The following FNIP1 variants were observed in gnomAD, a reference collection of about 807,000 sequenced individuals.
FNIP1 encodes folliculin-interacting protein 1.
FNIP1 carries 40 observed loss-of-function variants against 124.5 expected under a neutral mutation model. That is an observed-to-expected ratio of 0.32 (90% CI 0.25 to 0.42). The LOEUF is 0.42. Ranked by LOEUF, FNIP1 falls within the 10% of genes least tolerant of loss-of-function variation. The pLI, the probability that FNIP1 is intolerant of heterozygous loss-of-function variation, is 1.00. For missense variants in FNIP1, 1,176 were observed against 1,403.7 expected (o/e 0.84, Z 2.59); for synonymous variants, 472 against 470.6 (o/e 1.00, Z -0.04).
intron 16 of FNIP1, among the ~76,000 whole-genome samples, chr5:131,651,540 G>T (rs1049401861): frequency 5.3e-5 from 8 of 152,138 alleles, no homozygotes; most frequent in Non-Finnish European, 1.2e-4. Context: ...TCACATGGTG[G>T]AGACAGAACA....
chr5:131,772,992 C>T (rs1314319656), intron 1 of FNIP1, among the ~76,000 whole-genome samples: 1 of 152,168 alleles, frequency 6.6e-6, no homozygotes, highest in African/African-American at 2.4e-5. Context: ...ATCTCAACCT[C>T]TCATCTCTTG....
intron 15 of FNIP1, among the ~76,000 whole-genome samples, chr5:131,657,757 A>AAAC (rs1189060170): frequency 6.7e-6 from 1 of 149,356 alleles, no homozygotes; most frequent in Non-Finnish European, 1.5e-5. Context: ...AAAAAAAAAA[A>AAAC]ACGGTGGGTG....
At chr5:131,687,802 C>T (rs1045736338) in intron 11 of FNIP1, among the ~76,000 whole-genome samples, 1 of 152,120 alleles carries the variant, frequency 6.6e-6, no homozygotes, top group Admixed American at 6.5e-5. Flanking sequence ...CTCCTAGGGA[C>T]CTAGTCTTAG....
intron 15 of FNIP1, among the ~76,000 whole-genome samples, chr5:131,663,596 T>G (rs1171220620): frequency 6.6e-6 from 1 of 152,208 alleles, no homozygotes; most frequent in Non-Finnish European, 1.5e-5. Flanking sequence ...ATTTGGCAGG[T>G]CAAACACTGT....
intron 6 of FNIP1, among the ~76,000 whole-genome samples, chr5:131,713,954 C>T (rs1372112006): frequency 7.2e-5 from 11 of 152,216 alleles, no homozygotes; most frequent in African/African-American, 2.7e-4. Flanking sequence ...TATTCTTCTA[C>T]AGATACAAAT....
At chr5:131,733,725 G>T (rs1347747781) in intron 2 of FNIP1, among the ~76,000 whole-genome samples, 4 of 152,292 alleles carry the variant, frequency 2.6e-5, no homozygotes, top group Non-Finnish European at 5.9e-5. Flanking sequence ...GCTGGATTTG[G>T]TTTGCCAGTA....
chr5:131,774,878 T>C (rs535495438), intron 1 of FNIP1, among the ~76,000 whole-genome samples: 1 of 152,350 alleles, frequency 6.6e-6, no homozygotes, highest in East Asian at 1.9e-4. Context: ...AGACATATGA[T>C]ACCCATAAAT....
intron 1 of FNIP1, among the ~76,000 whole-genome samples, chr5:131,752,403 G>C (rs1379938561): frequency 1.3e-5 from 2 of 152,028 alleles, no homozygotes; most frequent in Non-Finnish European, 2.9e-5. Context: ...AAATTATAAA[G>C]CTTCTATAAA....
At chr5:131,682,987 CAATGTT>C (rs1768141778) in intron 11 of FNIP1, among the ~76,000 whole-genome samples, 1 of 152,180 alleles carries the variant, frequency 6.6e-6, no homozygotes, top group African/African-American at 2.4e-5. Flanking sequence ...TGTTAGGCAG[CAATGTT>C]AACTAAACAT....
chr5:131,644,581 G>T lies in FNIP1; in HGVS notation c.*104C>A. On this transcript the variant is annotated 3_prime_UTR_variant, in exon 18 of 18. Coordinates refer to ENST00000510461, the MANE Select transcript of FNIP1 (RefSeq NM_133372.3). ...AATACCCTGGTGACTGACTCATTCA[G>T]ATGGAAGTCTAAAAGGGAAAAAGAA... The T allele has an allele frequency of 1.1e-6, 1 of 940,636 alleles. No individual in the cohort carries two copies. The highest frequency in any genetic ancestry group is 1.7e-6 in the Non-Finnish European group (1 of 596,774). 58.3% of individuals were successfully genotyped at this position (940,636 alleles called of 1,614,324 possible). A position where few individuals can be genotyped will look rare whatever the true frequency, so the allele number is the denominator to read the frequency against.
chr5:131,646,828 TTC>T (rs1437693371), intron 17 of FNIP1, among the ~76,000 whole-genome samples: 1 of 152,232 alleles, frequency 6.6e-6, no homozygotes, highest in Non-Finnish European at 1.5e-5. Flanking sequence ...GTACTTATGT[TTC>T]TGAGACAAAA....
intron 1 of FNIP1, 21 bp from the exon 2 acceptor site, chr5:131,744,711 A>C (rs1770617304): frequency 6.2e-7 from 1 of 1,600,356 alleles, no homozygotes; most frequent in African/African-American, 1.3e-5. Flanking sequence ...AAGTAAGGAA[A>C]AGTAAAGATC....
intron 11 of FNIP1, among the ~76,000 whole-genome samples, chr5:131,692,912 G>T (rs1435121035): frequency 1.3e-5 from 2 of 151,752 alleles, no homozygotes; most frequent in African/African-American, 4.8e-5. Context: ...GGAAGATGGG[G>T]CATGAGAATC....
intron 11 of FNIP1, 116 bp from the exon 12 acceptor site, chr5:131,679,291 G>T: frequency 1.5e-6 from 1 of 664,634 alleles, no homozygotes; most frequent in South Asian, 1.8e-5. Flanking sequence ...TAAAGCTTTT[G>T]AGGAAAGACA....
At chr5:131,735,023 A>G (rs893363557) in intron 2 of FNIP1, among the ~76,000 whole-genome samples, 53 of 152,192 alleles carry the variant, frequency 3.5e-4, no homozygotes, top group African/African-American at 1.1e-3. Flanking sequence ...TGTTTATTGC[A>G]GCACTACTCA....
intron 11 of FNIP1, among the ~76,000 whole-genome samples, chr5:131,692,235 CT>C (rs772487465): frequency 1.3e-5 from 2 of 152,146 alleles, no homozygotes; most frequent in African/African-American, 2.4e-5. Context: ...CAAAAGTCAA[CT>C]GCTTTCCTAC....
chr5:131,754,132 T>C (rs912360345), intron 1 of FNIP1, among the ~76,000 whole-genome samples: 2 of 151,574 alleles, frequency 1.3e-5, no homozygotes, highest in African/African-American at 4.9e-5. Flanking sequence ...ATATTAAACA[T>C]TTACCACACT....
intron 15 of FNIP1, among the ~76,000 whole-genome samples, chr5:131,654,842 T>A (rs1222764488): frequency 6.6e-6 from 1 of 152,134 alleles, no homozygotes; most frequent in Non-Finnish European, 1.5e-5. Context: ...AAGAAGAGAA[T>A]GGCAAAGGAA....
chr5:131,762,041 T>C (rs1467839538), intron 1 of FNIP1, among the ~76,000 whole-genome samples: 4 of 152,070 alleles, frequency 2.6e-5, no homozygotes, highest in African/African-American at 2.4e-5. Context: ...CCTGAGAAAA[T>C]TGGATATCCA....
Sources: gnomAD v4.1 joint callset for allele counts (sites outside exome capture counted in the v4.1 genomes callset) on GRCh38, gnomAD v4.1.1 for gene constraint, MANE v1.5 for transcripts, NCBI Gene and HGNC (gene_info 2026-07-23, HGNC 2026-07-21) for gene names.